The following RGS18 variants were observed in gnomAD, a reference collection of about 807,000 sequenced individuals.
RGS18 encodes regulator of G-protein signaling 18.
A neutral mutation model predicts 27.6 loss-of-function variants in RGS18; 22 were observed. The ratio of observed to expected loss-of-function variants is 0.80; its 90% CI spans 0.57 to 1.14. The LOEUF is 1.14. Ranked by LOEUF, RGS18 falls within the 50% of genes most tolerant of loss-of-function variation. RGS18 has a pLI of 0.00. For synonymous variants in RGS18, 89 were observed against 84.6 expected (o/e 1.05, Z -0.29); for missense variants, 299 against 269.6 (o/e 1.11, Z -0.76).
intron 3 of RGS18, among the ~76,000 whole-genome samples, chr1:192,179,884 T>C (rs1213825698): frequency 6.6e-6 from 1 of 151,592 alleles, no homozygotes; most frequent in Non-Finnish European, 1.5e-5. Flanking sequence ...CTTGATTATA[T>C]TAATTAATGT....
At chr1:192,165,653 TGG>T (rs928733144) in intron 3 of RGS18, among the ~76,000 whole-genome samples, 13 of 152,220 alleles carry the variant, frequency 8.5e-5, no homozygotes, top group African/African-American at 2.9e-4. Context: ...GTTGAAATAT[TGG>T]GGTCTGGTTC....
At chr1:192,161,860 TG>T (rs2102150420) in intron 3 of RGS18, among the ~76,000 whole-genome samples, 1 of 152,332 alleles carries the variant, frequency 6.6e-6, no homozygotes, top group East Asian at 1.9e-4. Context: ...GACATATTTT[TG>T]TTTTGTTTTG....
chr1:192,170,128 G>T (rs894300033), intron 3 of RGS18, among the ~76,000 whole-genome samples: 24 of 152,080 alleles, frequency 1.6e-4, no homozygotes, highest in Non-Finnish European at 3.4e-4. Flanking sequence ...TTTTTTTGTG[G>T]TGGTTTTCTT....
At chr1:192,170,597 T>C (rs962300746) in intron 3 of RGS18, among the ~76,000 whole-genome samples, 3 of 151,878 alleles carry the variant, frequency 2.0e-5, no homozygotes, top group African/African-American at 7.3e-5. Context: ...TAACATAGCA[T>C]GTCAGCATGT....
At chr1:192,168,077 T>A (rs1182299819) in intron 3 of RGS18, 1 of 152,178 alleles carries the variant, frequency 6.6e-6, no homozygotes, top group East Asian at 1.9e-4. Flanking sequence ...TAATCCCAGG[T>A]TCTATCAAGC....
At chr1:192,162,622 G>T (rs560101737) in intron 3 of RGS18, among the ~76,000 whole-genome samples, 2 of 152,200 alleles carry the variant, frequency 1.3e-5, no homozygotes, top group African/African-American at 4.8e-5. Context: ...TAAAATTCTT[G>T]CCAAATCTAT....
In RGS18 at chr1:192,184,699, G is replaced by A; in HGVS notation, c.*145G>A. ...TAAAAATGTAAAAACAAAACTTTCT[G>A]CTAACAAAATACATACAGTATCTGC... On this transcript the variant is annotated 3_prime_UTR_variant, in exon 5 of 5. Transcript: ENST00000367460. 4.0e-6 allele frequency: 3 copies of A among 755,352 alleles called. No homozygotes were observed. In the South Asian group the frequency reaches 5.8e-5, roughly 15 times the overall value. The allele number at this position is 755,352 out of a possible 1,614,324, so 46.8% of individuals were successfully genotyped here.
intron 4 of RGS18, among the ~76,000 whole-genome samples, chr1:192,182,734 C>A (rs952535790): frequency 2.6e-5 from 4 of 151,522 alleles, no homozygotes; most frequent in Non-Finnish European, 5.9e-5. Flanking sequence ...CATTTAGATT[C>A]ATTCACTTAT....
At chr1:192,177,058 C>T (rs1385706595) in intron 3 of RGS18, among the ~76,000 whole-genome samples, 1 of 151,740 alleles carries the variant, frequency 6.6e-6, no homozygotes, top group Non-Finnish European at 1.5e-5. Flanking sequence ...AGAAATAAAA[C>T]TGTCACTGAT....
chr1:192,165,642 T>G (rs1444401660), intron 3 of RGS18, among the ~76,000 whole-genome samples: 3 of 152,220 alleles, frequency 2.0e-5, no homozygotes, highest in African/African-American at 4.8e-5. Flanking sequence ...AAAGAACCTA[T>G]GTTGAAATAT....
Position 192,181,305 on chromosome 1 carries a change from T to C in RGS18, c.297T>C (p.Ala99=), listed in dbSNP as rs1477875528. ...TTTTCTTGATAGATGGACTAGAGGC[T>C]TTTACCAGATTTCTTAAAACTGAAT... ...KLLSHRDGLE[A]FTRFLKTEFS... Residue 99 remains alanine (A), a synonymous_variant, in exon 4 of 5, where the codon GCT becomes GCC. Transcript: ENST00000367460. 1.3e-6 allele frequency: 2 copies of C among 1,515,598 alleles called. No homozygotes were observed. The highest frequency in any genetic ancestry group is 1.8e-6 in the Non-Finnish European group (2 of 1,116,816). 93.9% of individuals were successfully genotyped at this position (1,515,598 alleles called of 1,614,324 possible).
chr1:192,173,245 A>T (rs1473201156), intron 3 of RGS18, among the ~76,000 whole-genome samples: 7 of 151,988 alleles, frequency 4.6e-5, no homozygotes, highest in African/African-American at 1.4e-4. Context: ...AAGCTACAAC[A>T]TTTATTTCAA....
intron 3 of RGS18, among the ~76,000 whole-genome samples, chr1:192,177,365 T>C (rs1194798629): frequency 6.6e-6 from 1 of 151,450 alleles, no homozygotes; most frequent in Non-Finnish European, 1.5e-5. Flanking sequence ...TTCCTAGAAG[T>C]GTTTCATGTT....
At chr1:192,172,809 G>A (rs1656284384) in intron 3 of RGS18, among the ~76,000 whole-genome samples, 1 of 148,624 alleles carries the variant, frequency 6.7e-6, no homozygotes, top group African/African-American at 2.5e-5. Context: ...GAACACCTTT[G>A]GAGGGTTATT....
At chr1:192,160,005 A>G (rs1031653663) in intron 2 of RGS18, among the ~76,000 whole-genome samples, 3 of 152,046 alleles carry the variant, frequency 2.0e-5, no homozygotes, top group Admixed American at 6.5e-5. Flanking sequence ...TTTTTTTTTA[A>G]CTGAAAGATA....
chr1:192,160,375 CAG>C lies in RGS18; in HGVS notation c.222_223del, dbSNP rs1275814479. 1.2e-6 allele frequency: 2 copies of C among 1,606,690 alleles called. No individual in the cohort carries two copies. Among genetic ancestry groups the C allele is most frequent in the African/African-American group, 1.3e-5 (1 of 74,780 alleles). On this transcript the variant is annotated splice_acceptor_variant, in intron 2 of 4. Coordinates refer to ENST00000367460, the MANE Select transcript of RGS18 (RefSeq NM_130782.3). LOFTEE classifies it high-confidence loss of function. ...ATTATAAAACATTTTGTTTCTTGTA[CAG>C]AGTCTCCCCTGAAGAGGCAGTGAAA...
At chr1:192,177,528 A>T (rs1337631219) in intron 3 of RGS18, among the ~76,000 whole-genome samples, 1 of 151,770 alleles carries the variant, frequency 6.6e-6, no homozygotes, top group Non-Finnish European at 1.5e-5. Context: ...TATATGTTAC[A>T]GTGTAGCCTG....
intron 3 of RGS18, among the ~76,000 whole-genome samples, chr1:192,176,488 G>C (rs1303360553): frequency 6.6e-6 from 1 of 151,582 alleles, no homozygotes; most frequent in Non-Finnish European, 1.5e-5. Flanking sequence ...ATTCTGCTTG[G>C]AAACTACTGC....
chr1:192,160,286 T>G (rs935252000), intron 2 of RGS18, 92 bp from the exon 3 acceptor site: 2 of 583,624 alleles, frequency 3.4e-6, no homozygotes, highest in Admixed American at 6.2e-5. Context: ...TGAAATATAA[T>G]TGAAAAGAGC....
Sources: allele counts gnomAD v4.1 joint callset (sites outside exome capture counted in the v4.1 genomes callset), GRCh38; gene constraint gnomAD v4.1.1; transcripts MANE v1.5; gene names NCBI Gene and HGNC (gene_info 2026-07-23, HGNC 2026-07-21).